The following VPS52 variants were observed in gnomAD, a reference collection of about 807,000 sequenced individuals.
VPS52 encodes the protein vacuolar protein sorting-associated protein 52 homolog.
In VPS52, 56 loss-of-function variants were observed where a neutral mutation model predicts 98.7. The observed-to-expected ratio is 0.57, with a 90% CI of 0.46 to 0.71. VPS52 has a LOEUF of 0.71. VPS52 is among the 30% of genes least tolerant of loss of function. The pLI, the probability that VPS52 is intolerant of heterozygous loss-of-function variation, is 0.00. For missense variants in VPS52, 742 were observed against 925.9 expected (o/e 0.80, Z 2.58); for synonymous variants, 348 against 346.4 (o/e 1.00, Z -0.05).
At position 33,267,380 on chromosome 6, in the gene VPS52, T is replaced by C; in HGVS notation, c.992-59A>G. The C allele has an allele frequency of 6.6e-7, 1 of 1,521,952 alleles. No homozygotes were observed. Among genetic ancestry groups the C allele is most frequent in the Non-Finnish European group, 8.8e-7 (1 of 1,135,668 alleles). The allele number at this position is 1,521,952 out of a possible 1,614,324, so 94.3% of individuals were successfully genotyped here. ...ACCATAACTGGGCCCAAAGACTCAC[T>C]ATCTGTGGGGACCCCAGACAGGCAG... On this transcript the variant is annotated intron_variant, in intron 10 of 19. Coordinates refer to ENST00000445902, the MANE Select transcript of VPS52 (RefSeq NM_022553.6). This position sits in a 1 kb window ranked among gnomAD's most constrained non-coding sequence, Gnocchi z 4.2.
At chr6:33,264,189 T>A in intron 14 of VPS52, 86 bp from the exon 15 acceptor site, 1 of 1,560,484 alleles carries the variant, frequency 6.4e-7, no homozygotes, top group African/African-American at 1.4e-5. Flanking sequence ...CCCACCTCCA[T>A]GTGATGTGAC....
At position 33,268,164 on chromosome 6, in the gene VPS52, G is replaced by C. The variant is rs376282978; in HGVS notation, c.744C>G (p.Ser248=). ...GATAGTTGGTCATGGGTTTCCTGAA[G>C]GAATAAATCTTCTGGAGGATAAACT... ...IREFILQKIY[S]FRKPMTNYQI... is the part of the protein sequence containing the mutation. The change falls in exon 8 of 20, where the codon TCC becomes TCG. Residue 248 remains serine (S), a synonymous_variant. Coordinates refer to ENST00000445902, the MANE Select transcript of VPS52 (RefSeq NM_022553.6). This position sits in a 1 kb window ranked among gnomAD's most constrained non-coding sequence, Gnocchi z 4.0. The C allele has an allele frequency of 1.2e-6, 2 of 1,612,936 alleles. No homozygotes were observed. The highest frequency in any genetic ancestry group is 1.7e-6 in the Non-Finnish European group (2 of 1,180,044).
chr6:33,263,863 A>G lies in VPS52; in HGVS notation c.1637T>C (p.Phe546Ser). 1 of 1,614,162 alleles carries G rather than the reference A, an allele frequency of 6.2e-7. No individual in the cohort carries two copies. Among genetic ancestry groups the G allele is most frequent in the Non-Finnish European group, 8.5e-7 (1 of 1,180,014 alleles). ...GAACTCAGCTGCCACTCGGAGGACA[A>G]AATTCTCCACCTCCACCTGAAAAGG... ...LGQLQVEVEN[F>S]VLRVAAEFSS... Residue 546 changes from phenylalanine to serine, a missense_variant, in exon 16 of 20, where the codon TTT (phenylalanine) becomes TCT (serine). Phe to Ser is a radical substitution (Grantham distance 155, BLOSUM62 -2). This residue lies in a region of VPS52 where 590 missense variants were observed against 793.3 expected (regional missense o/e 0.74). Transcript: ENST00000445902.
chr6:33,252,740 T>A (rs1762447912), intron 17 of VPS52, among the ~76,000 whole-genome samples: 3 of 152,102 alleles, frequency 2.0e-5, no homozygotes, highest in African/African-American at 7.2e-5. Flanking sequence ...TGAATTAGAA[T>A]TTATAACTGA....
At position 33,268,356 on chromosome 6, in the gene VPS52, G is replaced by C. The variant is rs758822115; in HGVS notation, c.699+143C>G. 1.7e-5 allele frequency: 23 copies of C among 1,346,990 alleles called. No individual in the cohort carries two copies. The highest frequency in any genetic ancestry group is 2.4e-5 in the Non-Finnish European group (23 of 972,100). 83.4% of individuals were successfully genotyped at this position (1,346,990 alleles called of 1,614,324 possible). On this transcript the variant is annotated intron_variant, in intron 7 of 19. Coordinates refer to ENST00000445902, the MANE Select transcript of VPS52 (RefSeq NM_022553.6). This position sits in a 1 kb window ranked among gnomAD's most constrained non-coding sequence, Gnocchi z 4.0. ...CTCAAGATTTTCAGGGAAACCCAGA[G>C]AGACAAGAATGGGGCTGCCCAGAAA... is the stretch of plus-strand genomic sequence containing the variant.
At chr6:33,260,659 C>T (rs552097723) in intron 17 of VPS52, among the ~76,000 whole-genome samples, 2 of 151,848 alleles carry the variant, frequency 1.3e-5, no homozygotes, top group Non-Finnish European at 2.9e-5. Context: ...AAAAGTAAAG[C>T]TATATATATG....
At chr6:33,265,121 G>A (rs73408069) in intron 12 of VPS52, among the ~76,000 whole-genome samples, 7,001 of 152,042 alleles carry the variant, frequency 0.046, 491 homozygotes, top group African/African-American at 0.15. Context: ...CACCCAAGCT[G>A]GAATGCAGTG....
Position 33,268,061 on chromosome 6 carries a change from G to A in VPS52, c.800+47C>T, listed in dbSNP as rs569836176. On this transcript the variant is annotated intron_variant, in intron 8 of 19. Coordinates refer to ENST00000445902, the MANE Select transcript of VPS52 (RefSeq NM_022553.6). The surrounding 1 kb of genome is among the most constrained non-coding windows in gnomAD (Gnocchi z 4.0). ...AGAAACCAGATGCCCACACTAGGCC[G>A]CTCAAAAACTCAAAGGCCATCCCAT... The A allele has an allele frequency of 3.8e-5, 62 of 1,612,940 alleles. No individual in the cohort carries two copies. The highest frequency in any genetic ancestry group is 1.3e-4 in the East Asian group (6 of 44,890).
At chr6:33,269,880 A>C in intron 3 of VPS52, 61 bp from the exon 4 acceptor site, 1 of 1,591,162 alleles carries the variant, frequency 6.3e-7, no homozygotes, top group Non-Finnish European at 8.6e-7. Flanking sequence ...ACTGTAACAG[A>C]ATCAGTGAAG....
At chr6:33,270,177 C>T (rs1378350038) in intron 2 of VPS52, 22 bp downstream of exon 2, 6 of 1,612,196 alleles carry the variant, frequency 3.7e-6, no homozygotes, top group Non-Finnish European at 5.1e-6. Context: ...AGGTACTGCA[C>T]CCACCCCATG....
intron 13 of VPS52, 71 bp downstream of exon 13, chr6:33,264,711 G>T: frequency 6.7e-7 from 1 of 1,498,620 alleles, no homozygotes; most frequent in Non-Finnish European, 9.3e-7. Flanking sequence ...GGAGTCTAAG[G>T]TCAGGGCAGA....
chr6:33,260,809 G>C (rs928136097), intron 17 of VPS52, among the ~76,000 whole-genome samples: 1 of 151,808 alleles, frequency 6.6e-6, no homozygotes, highest in Non-Finnish European at 1.5e-5. Flanking sequence ...AAGACCAGCT[G>C]GGCCAACATG....
chr6:33,263,749 C>T (rs377711856), intron 16 of VPS52, 23 bp downstream of exon 16: 7 of 1,613,702 alleles, frequency 4.3e-6, no homozygotes. Flanking sequence ...GGTAGGAAGG[C>T]AAGGAGAAGG....
At chr6:33,264,310 C>G (rs1764013808) in intron 14 of VPS52, 64 bp downstream of exon 14, 2 of 1,595,088 alleles carry the variant, frequency 1.3e-6, no homozygotes, top group Non-Finnish European at 1.7e-6. Context: ...CCTTGGCCAA[C>G]CCCCACAATG....
rs377264495 is a variant in VPS52 at position 33,267,200 on chromosome 6, G to C, written c.1113C>G (p.Arg371=). 3.2e-6 allele frequency: 5 copies of C among 1,556,326 alleles called. No individual in the cohort carries two copies. The African/African-American group carries it at 5.5e-5, about 17-fold the overall frequency. ...TTCCTCCTCATACCCTCTGCTCTCC[G>C]CGCTGCGCTGTGTGAGGCACCAGGA... ...APILVPHTAQ[R]GEQRYPFEAL... The change falls in exon 11 of 20, where the codon CGC becomes CGG. Residue 371 remains arginine (R), a synonymous_variant. Coordinates refer to ENST00000445902, the MANE Select transcript of VPS52 (RefSeq NM_022553.6). The surrounding 1 kb of genome is among the most constrained non-coding windows in gnomAD (Gnocchi z 4.2).
chr6:33,267,491 T>A lies in VPS52; in HGVS notation c.992-170A>T. 8.1e-7 allele frequency: 1 copy of A among 1,238,812 alleles called. No homozygotes were observed. The highest frequency in any genetic ancestry group is 1.5e-5 in the South Asian group (1 of 68,190). The allele number at this position is 1,238,812 out of a possible 1,614,324, so 76.7% of individuals were successfully genotyped here. A position where few individuals can be genotyped will look rare whatever the true frequency, so the allele number is the denominator to read the frequency against. Reference sequence around the variant, plus strand: ...GGGCTTCAGGGTGTCTCTCCCTCCCTTGCAATCATATGCAAAACTATGTGT... The same window carrying A: ...GGGCTTCAGGGTGTCTCTCCCTCCCATGCAATCATATGCAAAACTATGTGT... On this transcript the variant is annotated intron_variant, in intron 10 of 19. Coordinates refer to ENST00000445902, the MANE Select transcript of VPS52 (RefSeq NM_022553.6). The surrounding 1 kb of genome is among the most constrained non-coding windows in gnomAD (Gnocchi z 4.2).
chr6:33,263,519 C>A lies in VPS52; in HGVS notation c.1759G>T (p.Glu587Ter). Residue 587 changes from glutamate (E) to a stop codon, truncating the protein, a stop_gained, in exon 17 of 20, where the codon GAG becomes TAG. Transcript: ENST00000445902. LOFTEE classifies it high-confidence loss of function. Reference protein sequence around the residue: ...ERAADDSKEVESFQQLLNART... With the variant: ...ERAADDSKEV The stretch of plus-strand genomic sequence containing the variant: ...GCATTGAGCAGCTGCTGGAAGCTCT[C>A]AACCTCTTTGCTGTCATCTGCAGCC... 6.2e-7 allele frequency: 1 copy of A among 1,614,052 alleles called. No individual in the cohort carries two copies. The highest frequency in any genetic ancestry group is 8.5e-7 in the Non-Finnish European group (1 of 1,180,016).
chr6:33,263,489 T>A lies in VPS52; in HGVS notation c.1789A>T (p.Thr597Ser). The A allele has an allele frequency of 6.2e-7, 1 of 1,613,644 alleles. No individual in the cohort carries two copies. The highest frequency in any genetic ancestry group is 8.5e-7 in the Non-Finnish European group (1 of 1,179,956). ...ESFQQLLNAR[T>S]QEFIEELLSP... is the part of the protein sequence containing the mutation. The stretch of plus-strand genomic sequence containing the variant: ...CCTTTTCCCCACACCCCTACCTGTG[T>A]CCGAGCATTGAGCAGCTGCTGGAAG... The change falls in exon 17 of 20, where the codon ACA becomes TCA. Residue 597 changes from threonine (T) to serine (S), a missense_variant. By Grantham distance (58) the Thr-to-Ser change is moderately conservative. Transcript: ENST00000445902.
chr6:33,267,220 C>G lies in VPS52; in HGVS notation c.1093G>C (p.Val365Leu). Residue 365 changes from valine to leucine, a missense_variant, in exon 11 of 20, where the codon GTG (valine) becomes CTG (leucine). By Grantham distance (32) the Val-to-Leu change is conservative. Around this residue, in one of 2 missense-constraint regions of VPS52, gnomAD observed 590 missense variants for 793.3 expected, o/e 0.74. Transcript: ENST00000445902. The surrounding 1 kb of genome is among the most constrained non-coding windows in gnomAD (Gnocchi z 4.2). Reference protein sequence around the residue: ...SPTELEAPILVPHTAQRGEQR... With the variant: ...SPTELEAPILLPHTAQRGEQR... ...TCTCCGCGCTGCGCTGTGTGAGGCA[C>G]CAGGATGGGGGCCTCAAGTTCAGTG... The G allele has an allele frequency of 1.3e-6, 2 of 1,585,916 alleles. No individual in the cohort carries two copies. Among genetic ancestry groups the G allele is most frequent in the East Asian group, 2.3e-5 (1 of 44,046 alleles).
Sources: gnomAD v4.1 joint callset for allele counts (sites outside exome capture counted in the v4.1 genomes callset) on GRCh38, gnomAD v4.1.1 for gene constraint, gnomAD v4.1.1 regional missense constraint, Gnocchi (gnomAD v3.1) non-coding constraint, MANE v1.5 for transcripts, NCBI Gene and HGNC (gene_info 2026-07-23, HGNC 2026-07-21) for gene names.